Variants in MAOB observed in about 807,000 individuals in gnomAD.
MAOB encodes the protein monoamine oxidase B.
Under a neutral mutation model 41.9 loss-of-function variants are expected in MAOB, and 15 were observed. That is an observed-to-expected ratio of 0.36 (90% confidence interval 0.24 to 0.55). The LOEUF (loss-of-function observed/expected upper bound fraction) is 0.55. Ranked by LOEUF, MAOB falls within the 20% of genes least tolerant of loss-of-function variation. MAOB has a pLI of 0.86. For synonymous variants in MAOB, 167 were observed against 144.2 expected (o/e 1.16, Z -1.13); for missense variants, 345 against 398.7 (o/e 0.87, Z 1.15).
intron 1 of MAOB, among the ~76,000 whole-genome samples, chrX:43,879,716 T>G (rs754514873): frequency 1.8e-5 from 2 of 111,787 alleles, no homozygotes; most frequent in African/African-American, 3.3e-5. Flanking sequence ...AAATCATCAG[T>G]GCTATTCATT....
chrX:43,792,621 A>T (rs762038676), intron 8 of MAOB, among the ~76,000 whole-genome samples: 1 of 112,226 alleles, frequency 8.9e-6, no homozygotes, highest in South Asian at 3.7e-4. Context: ...GATAAATGCC[A>T]ATCAAAACCA....
At chrX:43,780,259 G>C in intron 10 of MAOB, 83 bp downstream of exon 10, 4 of 805,828 alleles carry the variant, frequency 5.0e-6, no homozygotes, top group Non-Finnish European at 7.2e-6. Context: ...TAGAAAAGAA[G>C]GAAAGAAAGA....
chrX:43,779,451 A>G (rs941660157), intron 10 of MAOB, among the ~76,000 whole-genome samples: 1 of 112,259 alleles, frequency 8.9e-6, no homozygotes, highest in Non-Finnish European at 1.9e-5. Context: ...TGGAATGAGA[A>G]AGTCTTTTCT....
intron 12 of MAOB, among the ~76,000 whole-genome samples, chrX:43,770,302 C>A: frequency 9.0e-6 from 1 of 111,593 alleles, no homozygotes; most frequent in Non-Finnish European, 1.9e-5. Flanking sequence ...CTGGGGTCAG[C>A]TGAGGCCTTC....
intron 1 of MAOB, among the ~76,000 whole-genome samples, chrX:43,845,875 T>C (rs2035196856): frequency 8.9e-6 from 1 of 111,964 alleles, no homozygotes; most frequent in Admixed American, 9.5e-5. Flanking sequence ...GAGGCTGATT[T>C]GACATTTCAT....
chrX:43,805,092 T>C (rs1229603796), intron 3 of MAOB, among the ~76,000 whole-genome samples: 1 of 111,791 alleles, frequency 8.9e-6, no homozygotes, highest in Non-Finnish European at 1.9e-5. Flanking sequence ...TTGAAATATG[T>C]ATACCCTGTG....
intron 1 of MAOB, among the ~76,000 whole-genome samples, chrX:43,851,807 G>T (rs1193144093): frequency 2.7e-5 from 3 of 111,662 alleles, no homozygotes; most frequent in Non-Finnish European, 5.6e-5. Context: ...CATGTGGGAG[G>T]TGCCAAGGAA....
intron 10 of MAOB, 106 bp downstream of exon 10, chrX:43,780,236 G>A: frequency 3.1e-6 from 2 of 636,835 alleles, no homozygotes; most frequent in Middle Eastern, 3.2e-4. Flanking sequence ...AAAATGAAAG[G>A]CAGGCAAGTA....
Position 43,881,450 on chromosome X carries a change from C to T in MAOB, c.46+804G>A, listed in dbSNP as rs769873300. Among the ~76,000 whole-genome samples, 8 of 112,829 alleles carry T rather than the reference C, an allele frequency of 7.1e-5. No homozygotes were observed. The South Asian group carries it at 2.9e-3, about 41-fold the overall frequency. ...TGAGAGCATCATTGATTCCCATTGA[C>T]CCTATCCCATAGGATCTGCCTGATC... On this transcript the variant is annotated intron_variant, in intron 1 of 14. Transcript: ENST00000378069.
chrX:43,798,496 T>C (rs889948270), intron 5 of MAOB, among the ~76,000 whole-genome samples: 4 of 112,084 alleles, frequency 3.6e-5, no homozygotes, highest in African/African-American at 1.3e-4. Flanking sequence ...TAATAGAGCA[T>C]AAATGGGTAA....
At position 43,841,937 on chromosome X, in the gene MAOB, G is replaced by A. The variant is rs147050324; in HGVS notation, c.141+1733C>T. The stretch of plus-strand genomic sequence containing the variant: ...AATAATCAACTCTAAATAGATTAAA[G>A]ACTTAAACACGAGACCTGAAACGGC... On this transcript the variant is annotated intron_variant, in intron 2 of 14. Transcript: ENST00000378069. Among the ~76,000 whole-genome samples the A allele has an allele frequency of 5.4e-3, 605 of 111,569 alleles. 3 individuals are homozygous for A. The highest frequency in any genetic ancestry group is 0.019 in the African/African-American group (574 of 30,708).
At chrX:43,872,105 T>C (rs1043090062) in intron 1 of MAOB, among the ~76,000 whole-genome samples, 1 of 111,804 alleles carries the variant, frequency 8.9e-6, no homozygotes, top group African/African-American at 3.3e-5. Context: ...ACAACAGTTA[T>C]CTAATTAATG....
chrX:43,843,569 A>G, intron 2 of MAOB, 101 bp downstream of exon 2: 1 of 721,056 alleles, frequency 1.4e-6, no homozygotes, highest in Non-Finnish European at 2.0e-6. Flanking sequence ...TCACCCTCTT[A>G]GAGTCAAATG....
intron 5 of MAOB, among the ~76,000 whole-genome samples, chrX:43,800,218 G>A (rs890348737): frequency 6.3e-5 from 7 of 110,734 alleles, no homozygotes; most frequent in African/African-American, 1.6e-4. Flanking sequence ...AGAAAATGTC[G>A]GGTCCCTGTG....
rs768655609 is a variant in MAOB at position 43,797,145 on chromosome X, A to G, written c.598T>C (p.Ser200Pro). ...GGTACCTGTCCTCCATTTGTTGTCGAGATGATTCTTGTTGTGCCTCCACAC... is the reference window on the plus strand; with the variant it reads ...GGTACCTGTCCTCCATTTGTTGTCGGGATGATTCTTGTTGTGCCTCCACAC... The part of the protein sequence containing the change: ...KQCGGTTRII[S>P]TTNGGQERKF... Residue 200 changes from serine to proline, a missense_variant, in exon 6 of 15, where the codon TCG becomes CCG. By Grantham distance (74) the Ser-to-Pro change is moderately conservative. Coordinates refer to ENST00000378069, the MANE Select transcript of MAOB (RefSeq NM_000898.5). 1.7e-6 allele frequency: 2 copies of G among 1,209,073 alleles called. No homozygotes were observed. The highest frequency in any genetic ancestry group is 2.2e-5 in the Admixed American group (1 of 45,792).
At chrX:43,795,672 T>C in intron 7 of MAOB, 67 bp downstream of exon 7, 3 of 981,071 alleles carry the variant, frequency 3.1e-6, no homozygotes, top group Non-Finnish European at 4.2e-6. Flanking sequence ...ATTCTAAGAA[T>C]TTTTAAAGTT....
Position 43,767,638 on chromosome X carries a change from G to T in MAOB, c.1411-20C>A. ...GACATCCTAGGTTCAGAAAACATTG[G>T]GTATTAGTACAGGGCTTGTGCACTT... On this transcript the variant is annotated intron_variant, in intron 14 of 14. Coordinates refer to ENST00000378069, the MANE Select transcript of MAOB (RefSeq NM_000898.5). The T allele has an allele frequency of 8.4e-7, 1 of 1,196,567 alleles. No homozygotes were observed.
intron 8 of MAOB, among the ~76,000 whole-genome samples, chrX:43,790,323 C>T (rs966971175): frequency 1.8e-5 from 2 of 111,787 alleles, no homozygotes; most frequent in Non-Finnish European, 3.8e-5. Context: ...ATCAATGTAA[C>T]AGGAATCATA....
chrX:43,784,584 T>C (rs1196139927), intron 8 of MAOB, among the ~76,000 whole-genome samples: 1 of 112,188 alleles, frequency 8.9e-6, no homozygotes, highest in African/African-American at 3.2e-5. Flanking sequence ...TATAAATAAA[T>C]AGGCTGTCAT....
Sources: gnomAD v4.1 joint callset for allele counts (sites outside exome capture counted in the v4.1 genomes callset) on GRCh38, gnomAD v4.1.1 for gene constraint, MANE v1.5 for transcripts, NCBI Gene and HGNC (gene_info 2026-07-23, HGNC 2026-07-21) for gene names.